The following ZMIZ1 variants were observed in gnomAD, a reference collection of about 807,000 sequenced individuals.
ZMIZ1 encodes zinc finger MIZ-type containing 1.
ZMIZ1 carries 17 observed loss-of-function variants against 113.9 expected under a neutral mutation model. That is an observed-to-expected ratio of 0.15 (90% CI 0.10 to 0.22). The LOEUF (loss-of-function observed/expected upper bound fraction) is 0.22. ZMIZ1 is among the 10% of genes least tolerant of loss of function. The probability of loss-of-function intolerance (pLI) is 1.00; values close to 1 mark genes in which losing one functional copy is unlikely to be tolerated. For missense variants in ZMIZ1, 1,059 were observed against 1,477.8 expected (o/e 0.72, Z 4.65); for synonymous variants, 607 against 603.1 (o/e 1.01, Z -0.09).
At position 79,162,107 on chromosome 10, in the gene ZMIZ1, A is replaced by G. The variant is rs697241; in HGVS notation, c.-76A>G. ...CCGCAAGCTGCTGACCGGCGTGTGG[A>G]ACACTGGTGGTTTGCAGATCACTGA... is the stretch of plus-strand genomic sequence containing the variant. On this transcript the variant is annotated 5_prime_UTR_variant, in exon 4 of 25. Transcript: ENST00000334512. 0.79 allele frequency: 314,065 copies of G among 399,314 alleles called. 124,278 individuals are homozygous for G. The highest frequency in any genetic ancestry group is 0.86 in the African/African-American group (41,756 of 48,716). 24.7% of individuals were successfully genotyped at this position (399,314 alleles called of 1,614,324 possible).
chr10:79,166,002 G>GTGTGTGTGT (rs56386650), intron 4 of ZMIZ1, among the ~76,000 whole-genome samples: 32 of 13,428 alleles, frequency 2.4e-3, no homozygotes, highest in East Asian at 3.7e-3. Flanking sequence ...GTGTGTGTGT[G>GTGTGTGTGT]GGCTCTCCCT....
intron 1 of ZMIZ1, among the ~76,000 whole-genome samples, chr10:79,094,614 G>A (rs1005565023): frequency 6.6e-6 from 1 of 152,176 alleles, no homozygotes; most frequent in African/African-American, 2.4e-5. Flanking sequence ...TTTTGGACAA[G>A]ACCAAGGCCT....
intron 8 of ZMIZ1, among the ~76,000 whole-genome samples, chr10:79,279,707 A>G (rs927176010): frequency 7.9e-5 from 12 of 152,234 alleles, no homozygotes; most frequent in African/African-American, 1.7e-4. Context: ...TCCGTCTGCA[A>G]TCCGGCACCT....
chr10:79,100,911 G>T (rs1337818444), intron 1 of ZMIZ1, among the ~76,000 whole-genome samples: 1 of 152,220 alleles, frequency 6.6e-6, no homozygotes, highest in Non-Finnish European at 1.5e-5. Context: ...TAAACGTGCA[G>T]ATGCTGTTCT....
chr10:79,243,698 C>G lies in ZMIZ1; in HGVS notation c.280+27424C>G. ...CGCCGCCGGCCGGGCCCCAAGCCCC[C>G]GAGGGCGCCAGGGCGGGATCGCGAC... On this transcript the variant is annotated intron_variant, in intron 7 of 24. Coordinates refer to ENST00000334512, the MANE Select transcript of ZMIZ1 (RefSeq NM_020338.4). 6.5e-6 allele frequency: 2 copies of G among 305,488 alleles called. 1 individual carries two copies. Among genetic ancestry groups the G allele is most frequent in the Non-Finnish European group, 1.3e-5 (2 of 154,258 alleles). The allele number at this position is 305,488 out of a possible 1,614,324, so 18.9% of individuals were successfully genotyped here. A position where few individuals can be genotyped will look rare whatever the true frequency, so the allele number is the denominator to read the frequency against.
chr10:79,264,968 T>C lies in ZMIZ1; in HGVS notation c.281-12213T>C, dbSNP rs141515043. 1.4e-3 allele frequency among the ~76,000 whole-genome samples: 207 copies of C among 152,280 alleles called. 2 individuals are homozygous for C. The highest frequency in any genetic ancestry group is 4.8e-3 in the African/African-American group (198 of 41,558). On this transcript the variant is annotated intron_variant, in intron 7 of 24. Transcript: ENST00000334512. ...GGAATTTTCTGGGCTGGGGTTTTAGTCTGGCGTCTTATCCTGGGTCCATGC... is the reference window on the plus strand; with the variant it reads ...GGAATTTTCTGGGCTGGGGTTTTAGCCTGGCGTCTTATCCTGGGTCCATGC...
intron 7 of ZMIZ1, among the ~76,000 whole-genome samples, chr10:79,246,823 C>T (rs1403054114): frequency 6.6e-6 from 1 of 152,190 alleles, no homozygotes; most frequent in Non-Finnish European, 1.5e-5. Context: ...TGGCCAGACA[C>T]CACAGGCAGG....
rs571770990 is a variant in ZMIZ1 at position 79,257,980 on chromosome 10, G to C, written c.281-19201G>C. ...GTCCTGGGCATTTTAAGGATGGCCT[G>C]CTTACTCTTCACAGCAACCCCAAGA... On this transcript the variant is annotated intron_variant, in intron 7 of 24. Coordinates refer to ENST00000334512, the MANE Select transcript of ZMIZ1 (RefSeq NM_020338.4). Among the ~76,000 whole-genome samples the C allele has an allele frequency of 2.6e-4, 40 of 152,324 alleles. No homozygotes were observed. The South Asian group carries it at 6.0e-3, about 23-fold the overall frequency.
At chr10:79,121,208 T>C (rs1006441924) in intron 2 of ZMIZ1, among the ~76,000 whole-genome samples, 2 of 152,164 alleles carry the variant, frequency 1.3e-5, no homozygotes, top group African/African-American at 4.8e-5. Context: ...GATAGGTCAT[T>C]TATTACCCAC....
Position 79,289,798 on chromosome 10 carries a change from C to G in ZMIZ1, c.449C>G (p.Ser150Cys). The change falls in exon 9 of 25, where the codon TCT becomes TGT. Residue 150 changes from serine (S) to cysteine (C), a missense_variant. Physicochemically the swap from Ser to Cys is moderately radical, Grantham distance 112. Coordinates refer to ENST00000334512, the MANE Select transcript of ZMIZ1 (RefSeq NM_020338.4). ...AGTGATGGGTCGTTCCCCTATGACT[C>G]TGTCCCTTGGCAGCAGAACACCAAC... Reference protein sequence around the residue: ...SHSDGSFPYDSVPWQQNTNQP... With the variant: ...SHSDGSFPYDCVPWQQNTNQP... 1.9e-6 allele frequency: 3 copies of G among 1,614,076 alleles called. No homozygotes were observed. The highest frequency in any genetic ancestry group is 2.5e-6 in the Non-Finnish European group (3 of 1,179,924).
intron 2 of ZMIZ1, among the ~76,000 whole-genome samples, chr10:79,130,783 A>G (rs2132371148): frequency 6.6e-6 from 1 of 152,298 alleles, no homozygotes; most frequent in East Asian, 1.9e-4. Context: ...GTGGGATTCA[A>G]TAAAGTGACA....
intron 7 of ZMIZ1, among the ~76,000 whole-genome samples, chr10:79,261,375 T>C (rs1851258119): frequency 6.6e-6 from 1 of 152,194 alleles, no homozygotes; most frequent in African/African-American, 2.4e-5. Flanking sequence ...AGAGAGCTGT[T>C]TTCTGCAGGG....
At chr10:79,271,081 G>C (rs1232362015) in intron 7 of ZMIZ1, among the ~76,000 whole-genome samples, 1 of 152,170 alleles carries the variant, frequency 6.6e-6, no homozygotes, top group Non-Finnish European at 1.5e-5. Flanking sequence ...CCCCTAGGCG[G>C]CTCAGAAGGA....
chr10:79,245,813 T>G (rs1850156325), intron 7 of ZMIZ1, among the ~76,000 whole-genome samples: 1 of 152,192 alleles, frequency 6.6e-6, no homozygotes, highest in South Asian at 2.1e-4. Context: ...ATTAAAGGGA[T>G]GAGTTAAGCT....
chr10:79,215,302 C>T (rs1848677541), intron 6 of ZMIZ1, among the ~76,000 whole-genome samples: 2 of 140,124 alleles, frequency 1.4e-5, no homozygotes, highest in Non-Finnish European at 3.1e-5. Context: ...TAAATCACCG[C>T]TTTTTTTTTT....
chr10:79,188,217 A>G (rs1487370128), intron 4 of ZMIZ1, among the ~76,000 whole-genome samples: 1 of 152,192 alleles, frequency 6.6e-6, no homozygotes, highest in Admixed American at 6.5e-5. Context: ...CAGGTAGAGA[A>G]TCCTGCCTGC....
chr10:79,171,885 A>G (rs1393327761), intron 4 of ZMIZ1, among the ~76,000 whole-genome samples: 1 of 152,328 alleles, frequency 6.6e-6, no homozygotes, highest in Non-Finnish European at 1.5e-5. Flanking sequence ...GGACGGAGCC[A>G]TGCTATTGAG....
chr10:79,088,278 G>T (rs1419053057), intron 1 of ZMIZ1, among the ~76,000 whole-genome samples: 3 of 152,270 alleles, frequency 2.0e-5, no homozygotes, highest in African/African-American at 7.2e-5. Flanking sequence ...CTTCCTGGGA[G>T]AATTGGCTCG....
intron 7 of ZMIZ1, among the ~76,000 whole-genome samples, chr10:79,269,005 C>T (rs1183559468): frequency 2.0e-5 from 3 of 152,144 alleles, no homozygotes; most frequent in Non-Finnish European, 2.9e-5. Context: ...GGGAGGGGCC[C>T]GTCTTCCTGA....
Sources: gnomAD v4.1 joint callset for allele counts (sites outside exome capture counted in the v4.1 genomes callset) on GRCh38, gnomAD v4.1.1 for gene constraint, MANE v1.5 for transcripts, NCBI Gene and HGNC (gene_info 2026-07-23, HGNC 2026-07-21) for gene names.